The following CORIN variants were observed in gnomAD, a reference collection of about 807,000 sequenced individuals.
CORIN encodes the protein corin, serine peptidase, also known as atrial natriuretic peptide-converting enzyme.
In CORIN, 117 loss-of-function variants were observed where a neutral mutation model predicts 125.3. The observed-to-expected ratio is 0.93, with a 90% CI of 0.80 to 1.09. CORIN has a LOEUF of 1.09. Ranked by LOEUF, CORIN falls within the 50% of genes least tolerant of loss-of-function variation. The pLI, the probability that CORIN is intolerant of heterozygous loss-of-function variation, is 0.00. For missense variants in CORIN, 1,253 were observed against 1,306.7 expected (o/e 0.96, Z 0.63); for synonymous variants, 450 against 466.4 (o/e 0.96, Z 0.45).
At chr4:47,607,700 C>A (rs1181234559) in intron 19 of CORIN, among the ~76,000 whole-genome samples, 1 of 152,080 alleles carries the variant, frequency 6.6e-6, no homozygotes, top group African/African-American at 2.4e-5. Flanking sequence ...GGAGTAATGG[C>A]AAAGACAGCC....
intron 19 of CORIN, among the ~76,000 whole-genome samples, chr4:47,617,169 A>C (rs911934382): frequency 6.6e-6 from 1 of 152,240 alleles, no homozygotes; most frequent in Non-Finnish European, 1.5e-5. Flanking sequence ...ATTCACAATC[A>C]GAGTAGAAAA....
intron 1 of CORIN, among the ~76,000 whole-genome samples, chr4:47,819,515 C>T (rs953472144): frequency 1.3e-5 from 2 of 151,948 alleles, no homozygotes; most frequent in South Asian, 2.1e-4. Context: ...AATCTCTTTA[C>T]GAGGAGTAAT....
At chr4:47,698,812 A>G (rs1726157005) in intron 5 of CORIN, among the ~76,000 whole-genome samples, 1 of 152,194 alleles carries the variant, frequency 6.6e-6, no homozygotes, top group Non-Finnish European at 1.5e-5. Context: ...CAGTGGCCCC[A>G]TAGGATTACA....
intron 6 of CORIN, among the ~76,000 whole-genome samples, chr4:47,686,641 TG>T (rs1000143663): frequency 1.3e-5 from 2 of 152,176 alleles, no homozygotes; most frequent in Admixed American, 6.5e-5. Flanking sequence ...ATCTTTTTGA[TG>T]TTTTTTTGTC....
intron 13 of CORIN, among the ~76,000 whole-genome samples, chr4:47,650,152 A>G (rs1723676245): frequency 6.6e-6 from 1 of 152,232 alleles, no homozygotes; most frequent in South Asian, 2.1e-4. Flanking sequence ...GGTTATATTT[A>G]AAGGTTTTAT....
At position 47,623,636 on chromosome 4, in the gene CORIN, T is replaced by C; in HGVS notation, c.2475A>G (p.Gly825=). 2 of 1,614,210 alleles carry C rather than the reference T, an allele frequency of 1.2e-6. No individual in the cohort carries two copies. Among genetic ancestry groups the C allele is most frequent in the Non-Finnish European group, 1.7e-6 (2 of 1,180,036 alleles). The change falls in exon 19 of 22, where the codon GGA becomes GGG. Residue 825 remains glycine (G), a synonymous_variant. Transcript: ENST00000273857. The part of the protein sequence containing the change: ...WQCSLQSEPS[G]HICGCVLIAK... ...CAATGAGGACACAGCCACAGATATGTCCACTGGGTTCACTCTGCAGAGAAC... is the reference window on the plus strand; with the variant it reads ...CAATGAGGACACAGCCACAGATATGCCCACTGGGTTCACTCTGCAGAGAAC...
At chr4:47,743,489 T>G (rs1260149297) in intron 5 of CORIN, among the ~76,000 whole-genome samples, 1 of 152,234 alleles carries the variant, frequency 6.6e-6, no homozygotes, top group East Asian at 1.9e-4. Context: ...TGGGAAGGAT[T>G]TGGAGCAACT....
chr4:47,703,142 C>T (rs1422921015), intron 5 of CORIN, among the ~76,000 whole-genome samples: 2 of 152,104 alleles, frequency 1.3e-5, no homozygotes, highest in African/African-American at 2.4e-5. Context: ...CGGTTGGATG[C>T]CAAGATTCTG....
Position 47,595,789 on chromosome 4 carries a change from T to TA in CORIN, c.3060dup (p.Ser1021Ter), listed in dbSNP as rs1353513002. On this transcript the variant is annotated frameshift_variant, in exon 22 of 22. Transcript: ENST00000273857. LOFTEE classifies it high-confidence loss of function. Reference sequence around the variant, plus strand: ...CATTCGACGAAATATGACACATTACTATAAACGCCAGGCCCCAGGACTTTG... The same window carrying TA: ...CATTCGACGAAATATGACACATTACTAATAAACGCCAGGCCCCAGGACTTTG... The TA allele has an allele frequency of 2.5e-6, 4 of 1,613,650 alleles. No individual in the cohort carries two copies. The highest frequency in any genetic ancestry group is 3.4e-6 in the Non-Finnish European group (4 of 1,179,780).
chr4:47,643,350 G>T, intron 14 of CORIN, 94 bp from the exon 15 acceptor site: 1 of 1,169,412 alleles, frequency 8.6e-7, no homozygotes, highest in Non-Finnish European at 1.2e-6. Flanking sequence ...GCAGGAGCAT[G>T]GAAAGAAGAA....
intron 1 of CORIN, among the ~76,000 whole-genome samples, chr4:47,816,842 ACGTG>A (rs1732291221): frequency 4.1e-5 from 6 of 146,240 alleles, no homozygotes; most frequent in Admixed American, 3.5e-4. Context: ...GCACACACAC[ACGTG>A]CACACACACA....
At chr4:47,752,650 C>G (rs1407596098) in intron 4 of CORIN, among the ~76,000 whole-genome samples, 1 of 152,100 alleles carries the variant, frequency 6.6e-6, no homozygotes, top group African/African-American at 2.4e-5. Context: ...GTTTGCTATG[C>G]CAATAGCAGT....
intron 4 of CORIN, among the ~76,000 whole-genome samples, chr4:47,758,444 C>T (rs1729293578): frequency 6.6e-6 from 1 of 152,026 alleles, no homozygotes; most frequent in Non-Finnish European, 1.5e-5. Context: ...TATCAAAATA[C>T]CAATGACATT....
chr4:47,736,233 C>G (rs1728127610), intron 5 of CORIN, among the ~76,000 whole-genome samples: 1 of 152,154 alleles, frequency 6.6e-6, no homozygotes, highest in African/African-American at 2.4e-5. Context: ...TAGCTATATA[C>G]TATCTTTTGG....
chr4:47,695,817 A>G (rs943455152), intron 5 of CORIN, among the ~76,000 whole-genome samples: 6 of 152,218 alleles, frequency 3.9e-5, no homozygotes, highest in African/African-American at 1.4e-4. Context: ...AGTACTACAA[A>G]CATATTTTAT....
intron 3 of CORIN, among the ~76,000 whole-genome samples, chr4:47,782,693 T>C (rs1730610643): frequency 6.6e-6 from 1 of 152,172 alleles, no homozygotes; most frequent in Non-Finnish European, 1.5e-5. Context: ...GATAGAGCCA[T>C]ATGAAGGAAT....
intron 10 of CORIN, among the ~76,000 whole-genome samples, chr4:47,670,070 T>C (rs1195689264): frequency 1.3e-5 from 2 of 152,236 alleles, no homozygotes; most frequent in East Asian, 1.9e-4. Flanking sequence ...GAATCTTGCT[T>C]ATCGCACACT....
At chr4:47,647,008 C>T (rs749048513) in intron 13 of CORIN, among the ~76,000 whole-genome samples, 2 of 152,138 alleles carry the variant, frequency 1.3e-5, no homozygotes, top group Non-Finnish European at 2.9e-5. Context: ...GTTTCATCAT[C>T]CAAAGATATA....
rs148244763 is a variant in CORIN at position 47,626,995 on chromosome 4, T to TGTTGTTG, written c.2199-475_2199-474insCAACAAC. On this transcript the variant is annotated intron_variant, in intron 16 of 21. Transcript: ENST00000273857. ...AGGTTGTTGTTGTTGTTGTTGTTGT[T>TGTTGTTG]TTTTTTTTGATGAAGTCTTGCTCTG... is the stretch of plus-strand genomic sequence containing the variant. Among the ~76,000 whole-genome samples the TGTTGTTG allele has an allele frequency of 3.9e-4, 58 of 146,952 alleles. 1 individual carries two copies. The highest frequency in any genetic ancestry group is 6.9e-4 in the African/African-American group (26 of 37,876).
Sources: gnomAD v4.1 joint callset for allele counts (sites outside exome capture counted in the v4.1 genomes callset) on GRCh38, gnomAD v4.1.1 for gene constraint, MANE v1.5 for transcripts, NCBI Gene and HGNC (gene_info 2026-07-23, HGNC 2026-07-21) for gene names.